CGNL1: variants seen among roughly 807,000 people sequenced by gnomAD.
CGNL1 encodes the protein cingulin like 1.
CGNL1 carries 132 observed loss-of-function variants against 141.2 expected under a neutral mutation model. The ratio of observed to expected loss-of-function variants is 0.93; its 90% confidence interval spans 0.81 to 1.08. The LOEUF (loss-of-function observed/expected upper bound fraction) is 1.08. Ranked by LOEUF, CGNL1 falls within the 50% of genes least tolerant of loss-of-function variation. CGNL1 has a pLI of 0.00. For missense variants in CGNL1, 1,870 were observed against 1,588.6 expected, an observed-to-expected ratio of 1.18 and a Z score of -3.01; for synonymous variants, 690 against 622.1, an observed-to-expected ratio of 1.11 and a Z score of -1.63.
chr15:57,479,083 G>A (rs2063691881), intron 8 of CGNL1, among the ~76,000 whole-genome samples: 1 of 152,204 alleles, frequency 6.6e-6, no homozygotes, highest in Admixed American at 6.5e-5. Flanking sequence ...TCTCCAGGAA[G>A]GTGCAAGGAG....
intron 8 of CGNL1, chr15:57,478,190 A>C (rs1406698885): frequency 6.6e-6 from 1 of 152,250 alleles, no homozygotes; most frequent in Non-Finnish European, 1.5e-5. Flanking sequence ...CAAAGAGGGC[A>C]CACAAGGTCA....
Position 57,438,469 on chromosome 15 carries a change from C to T in CGNL1, c.470C>T (p.Pro157Leu). 6 of 1,614,138 alleles carry T rather than the reference C, an allele frequency of 3.7e-6. No individual in the cohort carries two copies. In the South Asian group the frequency reaches 6.6e-5, roughly 18 times the overall value. ...RHPELLQPYD[P>L]EKNELNLQNH... Reference sequence around the variant, plus strand: ...CCAGAGCTTTTGCAACCCTATGACCCTGAAAAGAATGAGTTGAATTTACAA... The same window carrying T: ...CCAGAGCTTTTGCAACCCTATGACCTTGAAAAGAATGAGTTGAATTTACAA... Residue 157 changes from proline (P) to leucine (L), a missense_variant, in exon 2 of 19, where the codon CCT becomes CTT. Pro to Leu is a moderately conservative substitution (Grantham distance 98). Coordinates refer to ENST00000281282, the MANE Select transcript of CGNL1 (RefSeq NM_032866.5).
At chr15:57,505,659 G>A (rs1159888715) in intron 8 of CGNL1, among the ~76,000 whole-genome samples, 1 of 152,160 alleles carries the variant, frequency 6.6e-6, no homozygotes, top group Non-Finnish European at 1.5e-5. Flanking sequence ...CTTGGCCCAG[G>A]CTCTTGCCTA....
At chr15:57,468,343 C>A (rs1295188834) in intron 8 of CGNL1, among the ~76,000 whole-genome samples, 1 of 147,132 alleles carries the variant, frequency 6.8e-6, no homozygotes, top group Non-Finnish European at 1.5e-5. Flanking sequence ...TGGGTTCAAG[C>A]CATCCTCCCA....
intron 16 of CGNL1, 150 bp from the exon 17 acceptor site, chr15:57,545,442 T>A: frequency 1.6e-6 from 1 of 625,832 alleles, no homozygotes. Context: ...CACAAGCAGC[T>A]TTTTCTGCTG....
chr15:57,538,359 G>A (rs1441331534), intron 14 of CGNL1, among the ~76,000 whole-genome samples: 1 of 152,244 alleles, frequency 6.6e-6, no homozygotes, highest in Non-Finnish European at 1.5e-5. Context: ...TAACTGTTAA[G>A]TTTTATGGCT....
chr15:57,513,934 C>G (rs2030554794), intron 8 of CGNL1, among the ~76,000 whole-genome samples: 3 of 152,162 alleles, frequency 2.0e-5, no homozygotes. Flanking sequence ...GTAGCTGCAC[C>G]ATTTTACATT....
chr15:57,499,060 G>C (rs1484931424), intron 8 of CGNL1, among the ~76,000 whole-genome samples: 1 of 152,080 alleles, frequency 6.6e-6, no homozygotes, highest in South Asian at 2.1e-4. Context: ...TCCTGCCCCA[G>C]TGTGTGGGGA....
intron 13 of CGNL1, among the ~76,000 whole-genome samples, chr15:57,531,201 G>A (rs1255040629): frequency 6.6e-6 from 1 of 152,218 alleles, no homozygotes. Context: ...AGGTTTGGGA[G>A]TGCATCGTGC....
intron 1 of CGNL1, among the ~76,000 whole-genome samples, chr15:57,395,570 A>C (rs2062593158): frequency 6.6e-6 from 1 of 152,244 alleles, no homozygotes; most frequent in Admixed American, 6.5e-5. Context: ...TGTATTGCAC[A>C]GTGATTAAGG....
At chr15:57,537,486 TTATTG>T (rs2032324208) in intron 14 of CGNL1, among the ~76,000 whole-genome samples, 1 of 152,152 alleles carries the variant, frequency 6.6e-6, no homozygotes. Context: ...GAACTGCCTT[TTATTG>T]TATCAGCTGC....
In CGNL1 at chr15:57,528,803, C is replaced by T. The variant is rs761878637; in HGVS notation, c.3189C>T (p.Val1063=). 2.9e-5 allele frequency: 46 copies of T among 1,613,712 alleles called. No individual in the cohort carries two copies. The South Asian group carries it at 4.7e-4, about 17-fold the overall frequency. ...SHLKDDRSRL[V]KQMEDKVSQL... ...TCAAAGATGACCGCAGCAGGCTGGT[C>T]AAGCAGATGGAGGTCTGTGGGCCGT... Residue 1063 remains valine (V), a synonymous_variant, in exon 13 of 19, where the codon GTC becomes GTT. Coordinates refer to ENST00000281282, the MANE Select transcript of CGNL1 (RefSeq NM_032866.5).
At chr15:57,479,788 G>T (rs2063702991) in intron 8 of CGNL1, among the ~76,000 whole-genome samples, 1 of 152,178 alleles carries the variant, frequency 6.6e-6, no homozygotes, top group Non-Finnish European at 1.5e-5. Flanking sequence ...TACAGGGGAG[G>T]CAGGAAGGAG....
chr15:57,391,297 A>G (rs2062540331), intron 1 of CGNL1, among the ~76,000 whole-genome samples: 1 of 152,362 alleles, frequency 6.6e-6, no homozygotes, highest in South Asian at 2.1e-4. Flanking sequence ...CCCATAAGGG[A>G]TGACATAGGC....
At chr15:57,500,798 G>A (rs2152388332) in intron 8 of CGNL1, among the ~76,000 whole-genome samples, 1 of 152,294 alleles carries the variant, frequency 6.6e-6, no homozygotes, top group South Asian at 2.1e-4. Flanking sequence ...TCCTATGAAT[G>A]AATGAATCGG....
intron 1 of CGNL1, among the ~76,000 whole-genome samples, chr15:57,409,267 G>A (rs775802489): frequency 1.3e-5 from 2 of 152,212 alleles, no homozygotes; most frequent in Non-Finnish European, 2.9e-5. Context: ...ATTTGGAGAC[G>A]TGTGAGTAGG....
In CGNL1 at chr15:57,523,563, G is replaced by A. The variant is rs1211796570; in HGVS notation, c.2790G>A (p.Glu930=). Residue 930 remains glutamate (E), a synonymous_variant, in exon 11 of 19, where the codon GAG becomes GAA. Transcript: ENST00000281282. Reference sequence around the variant, plus strand: ...TCAAAGAGGAGAGTGAGCAGAAGGAGCAGCTAAGAAGGTTGAAGAACGAGA... The same window carrying A: ...TCAAAGAGGAGAGTGAGCAGAAGGAACAGCTAAGAAGGTTGAAGAACGAGA... ...EKLKEESEQK[E]QLRRLKNEME... is the part of the protein sequence containing the mutation. 3 of 1,614,080 alleles carry A rather than the reference G, an allele frequency of 1.9e-6. No individual in the cohort carries two copies. Among genetic ancestry groups the A allele is most frequent in the Non-Finnish European group, 1.7e-6 (2 of 1,180,040 alleles).
Position 57,518,583 on chromosome 15 carries a change from G to A in CGNL1, c.2715+86G>A, listed in dbSNP as rs1595789482. The A allele has an allele frequency of 2.3e-5, 21 of 909,654 alleles. No individual in the cohort carries two copies. In the East Asian group the frequency reaches 4.5e-4, roughly 19 times the overall value. The allele number at this position is 909,654 out of a possible 1,614,324, so 56.3% of individuals were successfully genotyped here. On this transcript the variant is annotated intron_variant, in intron 10 of 18. Transcript: ENST00000281282. ...AGAGGGATGTGTGGAGATTGTCCTT[G>A]GCCCTCTCTTTCCATGTAGCTCCCT...
chr15:57,425,072 A>G (rs938113276), intron 1 of CGNL1, among the ~76,000 whole-genome samples: 1 of 152,112 alleles, frequency 6.6e-6, no homozygotes, highest in African/African-American at 2.4e-5. Context: ...TTTTCTTTAG[A>G]GGCATCTTTA....
Sources: allele counts gnomAD v4.1 joint callset (sites outside exome capture counted in the v4.1 genomes callset), GRCh38; gene constraint gnomAD v4.1.1; transcripts MANE v1.5; gene names NCBI Gene and HGNC (gene_info 2026-07-23, HGNC 2026-07-21).